PAPPA: variants seen among roughly 807,000 people sequenced by gnomAD.
The protein encoded by PAPPA is pappalysin-1.
Under a neutral mutation model 164.0 loss-of-function variants are expected in PAPPA, and 60 were observed. The observed-to-expected ratio is 0.37, with a 90% CI of 0.30 to 0.45. PAPPA has a LOEUF of 0.45. Ranked by LOEUF, PAPPA falls within the 20% of genes least tolerant of loss-of-function variation. PAPPA has a pLI of 1.00. For synonymous variants in PAPPA, 875 were observed against 814.1 expected (o/e 1.07, Z -1.27); for missense variants, 1,782 against 2,087.3 (o/e 0.85, Z 2.85).
intron 17 of PAPPA, among the ~76,000 whole-genome samples, chr9:116,359,256 A>G (rs1378946291): frequency 6.6e-6 from 1 of 152,224 alleles, no homozygotes; most frequent in East Asian, 1.9e-4. Context: ...TGTTCAAGTG[A>G]TTTTTAAAGC....
At chr9:116,195,273 C>T (rs572557294) in intron 2 of PAPPA, among the ~76,000 whole-genome samples, 1 of 152,282 alleles carries the variant, frequency 6.6e-6, no homozygotes, top group South Asian at 2.1e-4. Context: ...TCCACCTTTA[C>T]TCACAAGTTC....
chr9:116,268,687 A>G (rs904241162), intron 8 of PAPPA, among the ~76,000 whole-genome samples: 9 of 93,242 alleles, frequency 9.7e-5, no homozygotes, highest in African/African-American at 3.9e-4. Context: ...TTAATTTTAA[A>G]TAGTATACTT....
chr9:116,170,322 G>A lies in PAPPA; in HGVS notation c.415+15735G>A, dbSNP rs568704685. Among the ~76,000 whole-genome samples the A allele has an allele frequency of 1.5e-3, 223 of 152,298 alleles. 1 individual carries two copies. The highest frequency in any genetic ancestry group is 5.2e-3 in the African/African-American group (216 of 41,572). On this transcript the variant is annotated intron_variant, in intron 1 of 21. Transcript: ENST00000328252. The stretch of plus-strand genomic sequence containing the variant: ...TTCCTTCATCTGTACCCTTGTTGGA[G>A]TAAATAGAATTTGGACCTTTTTTTC...
At chr9:116,362,819 G>A in intron 18 of PAPPA, 80 bp downstream of exon 18, 1 of 1,381,494 alleles carries the variant, frequency 7.2e-7, no homozygotes, top group African/African-American at 1.4e-5. Flanking sequence ...GTGGGTCATT[G>A]AACACCCTGG....
chr9:116,154,160 GGAACCGTCGGACATGC>G lies in PAPPA; in HGVS notation c.-11_5del. ...GTGCAGGGGCGAAGGGGGGGCGGGGGGAACCGTCGGACATGCGGCTCTGGAGTTGGGTGCTGCACCT... is the reference window on the plus strand; with the variant it reads ...GTGCAGGGGCGAAGGGGGGGCGGGGGGGCTCTGGAGTTGGGTGCTGCACCT... On this transcript the variant is annotated start_lost and 5_prime_UTR_variant, in exon 1 of 22. Coordinates refer to ENST00000328252, the MANE Select transcript of PAPPA (RefSeq NM_002581.5). This position sits in a 1 kb window ranked among gnomAD's most constrained non-coding sequence, Gnocchi z 5.2. 2.1e-6 allele frequency: 3 copies of G among 1,439,748 alleles called. No individual in the cohort carries two copies. The highest frequency in any genetic ancestry group is 2.8e-6 in the Non-Finnish European group (3 of 1,088,062). 89.2% of individuals were successfully genotyped at this position (1,439,748 alleles called of 1,614,324 possible).
At chr9:116,351,558 C>A (rs1377090925) in intron 15 of PAPPA, among the ~76,000 whole-genome samples, 1 of 152,128 alleles carries the variant, frequency 6.6e-6, no homozygotes, top group Non-Finnish European at 1.5e-5. Context: ...TAATAAGGGC[C>A]CTGCTGATCA....
chr9:116,238,412 C>T (rs1844696815), intron 7 of PAPPA, among the ~76,000 whole-genome samples: 1 of 152,152 alleles, frequency 6.6e-6, no homozygotes. Context: ...CCAGGAATCT[C>T]CAAATTCTCT....
chr9:116,188,183 C>G lies in PAPPA; in HGVS notation c.1445C>G (p.Thr482Ser), dbSNP rs374339400. The G allele has an allele frequency of 3.0e-5, 48 of 1,613,182 alleles. No individual in the cohort carries two copies. The highest frequency in any genetic ancestry group is 3.6e-5 in the Non-Finnish European group (42 of 1,179,246). ...TGTGACCCTGAAATCACCAATGTCA[C>G]TCAGACTTGCTTTGACCCCGACTCT... ...ECCDPEITNV[T>S]QTCFDPDSPH... Residue 482 changes from threonine to serine, a missense_variant, in exon 2 of 22, where the codon ACT becomes AGT. By Grantham distance (58) the Thr-to-Ser change is moderately conservative (BLOSUM62 1). Around this residue, in one of 2 missense-constraint regions of PAPPA, gnomAD observed 1,324 missense variants for 1,656.9 expected, o/e 0.80. Transcript: ENST00000328252.
At position 116,154,445 on chromosome 9, in the gene PAPPA, C is replaced by T; in HGVS notation, c.273C>T (p.Ser91=). 1 of 1,279,240 alleles carries T rather than the reference C, an allele frequency of 7.8e-7. No individual in the cohort carries two copies. Among genetic ancestry groups the T allele is most frequent in the Non-Finnish European group, 9.9e-7 (1 of 1,013,414 alleles). The allele number at this position is 1,279,240 out of a possible 1,614,324, so 79.2% of individuals were successfully genotyped here. The change falls in exon 1 of 22, where the codon AGC becomes AGT. Residue 91 remains serine, a synonymous_variant. Coordinates refer to ENST00000328252, the MANE Select transcript of PAPPA (RefSeq NM_002581.5). This position sits in a 1 kb window ranked among gnomAD's most constrained non-coding sequence, Gnocchi z 5.2. Reference sequence around the variant, plus strand: ...CGAGGGGCGCCACCGAGGAGCCGAGCCCGCCGAGCCGGGCGCTCTATTTCA... The same window carrying T: ...CGAGGGGCGCCACCGAGGAGCCGAGTCCGCCGAGCCGGGCGCTCTATTTCA... ...REARGATEEP[S]PPSRALYFSG...
rs775961827 is a variant in PAPPA at position 116,265,877 on chromosome 9, T to C, written c.2753T>C (p.Val918Ala). ...TCCAGGGATCTAAATCTTGGCAGTG[T>C]GTACCAGTATTGGGTCATAACTATT... ...FVDMDLNLGS[V>A]YQYWVITISG... Residue 918 changes from valine to alanine, a missense_variant, in exon 8 of 22, where the codon GTG (valine) becomes GCG (alanine). Coordinates refer to ENST00000328252, the MANE Select transcript of PAPPA (RefSeq NM_002581.5). 5 of 1,606,480 alleles carry C rather than the reference T, an allele frequency of 3.1e-6. 1 individual carries two copies. The South Asian group carries it at 5.5e-5, about 18-fold the overall frequency.
intron 7 of PAPPA, among the ~76,000 whole-genome samples, chr9:116,260,785 A>G (rs575152031): frequency 4.6e-5 from 7 of 152,342 alleles, no homozygotes; most frequent in Non-Finnish European, 8.8e-5. Context: ...TGGCTTGTCC[A>G]TGGTCAATGA....
chr9:116,306,338 G>C (rs914168466), intron 10 of PAPPA, among the ~76,000 whole-genome samples: 2 of 152,174 alleles, frequency 1.3e-5, no homozygotes, highest in African/African-American at 4.8e-5. Context: ...TATGGCTTGA[G>C]AATATTGATT....
chr9:116,211,990 C>A (rs1205045099), intron 4 of PAPPA, 58 bp downstream of exon 4: 3 of 1,501,206 alleles, frequency 2.0e-6, no homozygotes, highest in African/African-American at 2.8e-5. Context: ...GGGATCCAAT[C>A]CTGGCTCAGG....
At chr9:116,225,809 CCAT>C (rs1264516677) in intron 5 of PAPPA, among the ~76,000 whole-genome samples, 1 of 135,610 alleles carries the variant, frequency 7.4e-6, no homozygotes, top group African/African-American at 3.2e-5. Flanking sequence ...TGACTGGTAT[CCAT>C]CCATCCATCC....
chr9:116,220,327 C>T (rs1182194566), intron 5 of PAPPA, among the ~76,000 whole-genome samples, 198 bp downstream of exon 5: 1 of 151,980 alleles, frequency 6.6e-6, no homozygotes, highest in Non-Finnish European at 1.5e-5. Context: ...AAATAAATAA[C>T]AATAAATATT....
At chr9:116,272,501 G>C (rs569309661) in intron 9 of PAPPA, among the ~76,000 whole-genome samples, 1 of 152,202 alleles carries the variant, frequency 6.6e-6, no homozygotes, top group Non-Finnish European at 1.5e-5. Flanking sequence ...TGTGAGCTCC[G>C]TGATGGTGAA....
At chr9:116,166,273 G>A (rs1309029969) in intron 1 of PAPPA, among the ~76,000 whole-genome samples, 1 of 152,154 alleles carries the variant, frequency 6.6e-6, no homozygotes, top group African/African-American at 2.4e-5. Flanking sequence ...CTCACATTGG[G>A]CTTTCTAATC....
At chr9:116,183,914 C>T (rs924626438) in intron 1 of PAPPA, among the ~76,000 whole-genome samples, 3 of 152,156 alleles carry the variant, frequency 2.0e-5, no homozygotes, top group African/African-American at 7.2e-5. Flanking sequence ...TGAGAGCACC[C>T]TACAGATGTG....
At chr9:116,208,149 C>T (rs571266664) in intron 3 of PAPPA, among the ~76,000 whole-genome samples, 1 of 152,308 alleles carries the variant, frequency 6.6e-6, no homozygotes, top group South Asian at 2.1e-4. Context: ...TATCCATAAA[C>T]AAGACATAAG....
Sources: allele counts gnomAD v4.1 joint callset (sites outside exome capture counted in the v4.1 genomes callset), GRCh38; gene constraint gnomAD v4.1.1; regional missense constraint gnomAD v4.1.1; non-coding constraint Gnocchi (gnomAD v3.1); transcripts MANE v1.5; gene names NCBI Gene and HGNC (gene_info 2026-07-23, HGNC 2026-07-21).